ERCC4: variants seen among roughly 807,000 people sequenced by gnomAD.
The protein encoded by ERCC4 is ERCC excision repair 4, endonuclease catalytic subunit.
ERCC4 carries 65 observed loss-of-function variants against 76.9 expected under a neutral mutation model. That is an observed-to-expected ratio of 0.84 (90% CI 0.69 to 1.04). The LOEUF is 1.04. Among genes scored for constraint, ERCC4 ranks in the 50% least tolerant of loss-of-function variants. The pLI, the probability that ERCC4 is intolerant of heterozygous loss-of-function variation, is 0.00. For missense variants in ERCC4, 1,214 were observed against 1,128.2 expected (o/e 1.08, Z -1.09); for synonymous variants, 463 against 410.1 (o/e 1.13, Z -1.56).
chr16:13,941,453 T>G (rs1381881993), intron 9 of ERCC4, among the ~76,000 whole-genome samples: 1 of 152,242 alleles, frequency 6.6e-6, no homozygotes, highest in African/African-American at 2.4e-5. Flanking sequence ...ATTTGCACTG[T>G]GTACTTAAGA....
rs368064765 is a variant in ERCC4, at chr16:13,948,199, A to G, written c.2603A>G (p.His868Arg). The change falls in exon 11 of 11, where the codon CAC becomes CGC. Residue 868 changes from histidine (H) to arginine (R), a missense_variant. Transcript: ENST00000311895. Reference sequence around the variant, plus strand: ...GCCAAAAACTGCCGCTCCTTGATGCACCACGTTAAGAACATCGCAGAATTA... The same window carrying G: ...GCCAAAAACTGCCGCTCCTTGATGCGCCACGTTAAGAACATCGCAGAATTA... ...VNAKNCRSLM[H>R]HVKNIAELAA... The G allele has an allele frequency of 6.2e-7, 1 of 1,614,170 alleles. No homozygotes were observed.
Position 13,948,533 on chromosome 16 carries a change from T to C in ERCC4, c.*186T>C. 3.0e-6 allele frequency: 2 copies of C among 670,128 alleles called. No homozygotes were observed. The highest frequency in any genetic ancestry group is 1.8e-5 in the South Asian group (1 of 54,504). 41.5% of individuals were successfully genotyped at this position (670,128 alleles called of 1,614,324 possible). On this transcript the variant is annotated 3_prime_UTR_variant, in exon 11 of 11. Transcript: ENST00000311895. ...CAGTTAGGCATCACTTGAACTTGCC[T>C]GTGCCTGCTCTTTTTCCTCCCTGCA...
At chr16:13,925,644 A>G (rs1047939574) in intron 2 of ERCC4, among the ~76,000 whole-genome samples, 1 of 152,210 alleles carries the variant, frequency 6.6e-6, no homozygotes, top group African/African-American at 2.4e-5. Context: ...ACCCTTCCAG[A>G]TATGAGAACT....
Position 13,922,168 on chromosome 16 carries a change from G to A in ERCC4, c.345G>A (p.Val115=). Residue 115 remains valine (V), a synonymous_variant, in exon 2 of 11, where the codon GTG becomes GTA. Coordinates refer to ENST00000311895, the MANE Select transcript of ERCC4 (RefSeq NM_005236.3). ...GVIFATSRIL[V]VDFLTDRIPS... ...TATTTGCGACAAGTAGGATACTTGTGGTTGACTTCTTGACTGATAGAATAC... is the reference window on the plus strand; with the variant it reads ...TATTTGCGACAAGTAGGATACTTGTAGTTGACTTCTTGACTGATAGAATAC... 6.2e-7 allele frequency: 1 copy of A among 1,611,718 alleles called. No homozygotes were observed. The highest frequency in any genetic ancestry group is 8.5e-7 in the Non-Finnish European group (1 of 1,177,968).
At chr16:13,943,556 A>G (rs1193231313) in intron 9 of ERCC4, among the ~76,000 whole-genome samples, 1 of 152,226 alleles carries the variant, frequency 6.6e-6, no homozygotes, top group South Asian at 2.1e-4. Context: ...TCCAGGACAC[A>G]TGGGGATTAT....
intron 2 of ERCC4, among the ~76,000 whole-genome samples, chr16:13,924,859 A>G (rs894620224): frequency 6.6e-6 from 1 of 152,208 alleles, no homozygotes; most frequent in African/African-American, 2.4e-5. Flanking sequence ...CAAGTAAAGA[A>G]GTAGTTATAG....
chr16:13,921,970 G>T, intron 1 of ERCC4, 61 bp from the exon 2 acceptor site: 1 of 980,432 alleles, frequency 1.0e-6, no homozygotes, highest in Non-Finnish European at 1.6e-6. Context: ...TTAAATATCT[G>T]TGACCTATTA....
chr16:13,934,433 C>CTGCTA lies in ERCC4; in HGVS notation c.1213+133_1213+137dup, dbSNP rs2032243136. 3 of 717,322 alleles carry CTGCTA rather than the reference C, an allele frequency of 4.2e-6. No homozygotes were observed. In the East Asian group the frequency reaches 7.5e-5, roughly 18 times the overall value. 44.4% of individuals were successfully genotyped at this position (717,322 alleles called of 1,614,324 possible). On this transcript the variant is annotated intron_variant, in intron 7 of 10. Coordinates refer to ENST00000311895, the MANE Select transcript of ERCC4 (RefSeq NM_005236.3). ...GAAACCCTGTCTCTATTTTAAAACA[C>CTGCTA]TGCTATTTTATCTATAAAATGTAGA...
Position 13,935,257 on chromosome 16 carries a change from AGGATAGCAAAGCTGAAGAAGTCTGGAT to A in ERCC4, c.1327_1353del (p.Asp443_Met451del). ...AGGCTCTACAGGAAAACCTTTGAGA[AGGATAGCAAAGCTGAAGAAGTCTGGAT>A]GAAATTTAGGAAGGAAGACAGTTCA... On this transcript the variant is annotated inframe_deletion, in exon 8 of 11. Coordinates refer to ENST00000311895, the MANE Select transcript of ERCC4 (RefSeq NM_005236.3). 6.2e-7 allele frequency: 1 copy of A among 1,614,086 alleles called. No homozygotes were observed. The highest frequency in any genetic ancestry group is 1.7e-5 in the Admixed American group (1 of 60,034).
chr16:13,929,419 T>G (rs577360496), intron 4 of ERCC4, among the ~76,000 whole-genome samples: 3 of 152,356 alleles, frequency 2.0e-5, no homozygotes, highest in South Asian at 2.1e-4. Flanking sequence ...TGTTCTGGTT[T>G]AGACAATAAA....
chr16:13,948,434 G>A lies in ERCC4; in HGVS notation c.*87G>A. The A allele has an allele frequency of 6.9e-7, 1 of 1,457,648 alleles. No individual in the cohort carries two copies. Among genetic ancestry groups the A allele is most frequent in the Non-Finnish European group, 9.5e-7 (1 of 1,052,940 alleles). The allele number at this position is 1,457,648 out of a possible 1,614,324, so 90.3% of individuals were successfully genotyped here. A position where few individuals can be genotyped will look rare whatever the true frequency, so the allele number is the denominator to read the frequency against. ...ATAGGTCATTATTAATTATTGGTTT[G>A]CTATTTCATTCTTTTCCAATGCTCT... On this transcript the variant is annotated 3_prime_UTR_variant, in exon 11 of 11. Transcript: ENST00000311895.
chr16:13,930,910 A>G lies in ERCC4; in HGVS notation c.973+20A>G, dbSNP rs1213973095. On this transcript the variant is annotated intron_variant, in intron 5 of 10. Coordinates refer to ENST00000311895, the MANE Select transcript of ERCC4 (RefSeq NM_005236.3). Reference sequence around the variant, plus strand: ...ATTCAGGTGGGAGATTAAAATACTAATAATATTCTAAGAGCTGATTTGAAT... The same window carrying G: ...ATTCAGGTGGGAGATTAAAATACTAGTAATATTCTAAGAGCTGATTTGAAT... The G allele has an allele frequency of 2.0e-6, 3 of 1,538,138 alleles. No homozygotes were observed. Among genetic ancestry groups the G allele is most frequent in the African/African-American group, 1.4e-5 (1 of 73,458 alleles).
chr16:13,924,470 GC>G (rs3136075), intron 2 of ERCC4, among the ~76,000 whole-genome samples: 587 of 152,274 alleles, frequency 3.9e-3, no homozygotes, highest in Non-Finnish European at 6.7e-3. Flanking sequence ...CCAGTGCTGT[GC>G]CTCCACTTTA....
chr16:13,920,165 C>T lies in ERCC4; in HGVS notation c.-1C>T. ...TTCGGCTGCGACCCGGAAGAGCTTC[C>T]ATGGAGTCAGGGCAGCCGGCTCGAC... On this transcript the variant is annotated 5_prime_UTR_variant, in exon 1 of 11. Transcript: ENST00000311895. The T allele has an allele frequency of 6.2e-7, 1 of 1,604,770 alleles. No individual in the cohort carries two copies.
chr16:13,936,595 T>G (rs1405883562), intron 8 of ERCC4, among the ~76,000 whole-genome samples: 1 of 152,228 alleles, frequency 6.6e-6, no homozygotes, highest in African/African-American at 2.4e-5. Context: ...AGCAAAATGT[T>G]AGAATCAGAA....
intron 9 of ERCC4, among the ~76,000 whole-genome samples, chr16:13,939,480 A>T (rs1596630536): frequency 1.3e-5 from 2 of 152,180 alleles, no homozygotes; most frequent in African/African-American, 4.8e-5. Context: ...CACCCAGACC[A>T]CAAGCTGATC....
chr16:13,935,743 G>C lies in ERCC4; in HGVS notation c.1811G>C (p.Arg604Thr). Residue 604 changes from arginine to threonine, a missense_variant and splice_region_variant, in exon 8 of 11, where the codon AGG becomes ACG. Physicochemically the swap from Arg to Thr is moderately conservative, Grantham distance 71. Transcript: ENST00000311895. ...YRASRPGKPL[R>T]VYFLIYGGST... ...GCGAGTAGGCCTGGGAAACCTCTGA[G>C]GCAAGTTATAAAGAATCACAGCTTT... is the stretch of plus-strand genomic sequence containing the variant. 1 of 1,607,364 alleles carries C rather than the reference G, an allele frequency of 6.2e-7. No individual in the cohort carries two copies.
rs561888403 is a variant in ERCC4 at position 13,922,560 on chromosome 16, G to A, written c.388+349G>A. On this transcript the variant is annotated intron_variant, in intron 2 of 10. Coordinates refer to ENST00000311895, the MANE Select transcript of ERCC4 (RefSeq NM_005236.3). The stretch of plus-strand genomic sequence containing the variant: ...CTGTGGCCTCCACTGTGTTTTGAAT[G>A]ACGAATTTCTTAATGGCTTTATCCT... The A allele has an allele frequency of 4.2e-6, 3 of 709,158 alleles. No individual in the cohort carries two copies. In the South Asian group the frequency reaches 4.3e-5, roughly 10 times the overall value. 43.9% of individuals were successfully genotyped at this position (709,158 alleles called of 1,614,324 possible).
Position 13,947,680 on chromosome 16 carries a change from T to C in ERCC4, c.2084T>C (p.Leu695Pro). Residue 695 changes from leucine to proline, a missense_variant, in exon 11 of 11, where the codon CTT (leucine) becomes CCT (proline). By Grantham distance (98) the Leu-to-Pro change is moderately conservative. Transcript: ENST00000311895. ...GATATGCGTGAATTTCGAAGTGAGCTTCCATCTCTGATCCATCGTCGGGGC... is the reference window on the plus strand; with the variant it reads ...GATATGCGTGAATTTCGAAGTGAGCCTCCATCTCTGATCCATCGTCGGGGC... ...VVDMREFRSE[L>P]PSLIHRRGID... 1 of 1,614,250 alleles carries C rather than the reference T, an allele frequency of 6.2e-7. No homozygotes were observed. Among genetic ancestry groups the C allele is most frequent in the Middle Eastern group, 1.6e-4 (1 of 6,062 alleles).
Sources: gnomAD v4.1 joint callset for allele counts (sites outside exome capture counted in the v4.1 genomes callset) on GRCh38, gnomAD v4.1.1 for gene constraint, MANE v1.5 for transcripts, NCBI Gene and HGNC (gene_info 2026-07-23, HGNC 2026-07-21) for gene names.